The following PTPRG variants were observed in gnomAD, a reference collection of about 807,000 sequenced individuals.
PTPRG encodes the protein receptor-type tyrosine-protein phosphatase gamma.
PTPRG carries 102 observed loss-of-function variants against 165.3 expected under a neutral mutation model. The ratio of observed to expected loss-of-function variants is 0.62; its 90% CI spans 0.53 to 0.73. The LOEUF (loss-of-function observed/expected upper bound fraction) is 0.73, where lower values mean the gene tolerates loss of function less well. Ranked by LOEUF, PTPRG falls within the 30% of genes least tolerant of loss-of-function variation. The pLI is 0.00. For synonymous variants in PTPRG, 675 were observed against 669.5 expected, an observed-to-expected ratio of 1.01 and a Z score of -0.13; for missense variants, 1,866 against 1,861.4, an observed-to-expected ratio of 1.00 and a Z score of -0.05.
intron 2 of PTPRG, among the ~76,000 whole-genome samples, chr3:61,970,548 A>G (rs926862410): frequency 5.9e-5 from 9 of 152,246 alleles, no homozygotes; most frequent in African/African-American, 1.9e-4. Context: ...TTAATATGCA[A>G]CACATTACCT....
intron 4 of PTPRG, among the ~76,000 whole-genome samples, chr3:62,028,963 C>G (rs1244578616): frequency 6.6e-6 from 1 of 152,146 alleles, no homozygotes; most frequent in African/African-American, 2.4e-5. Flanking sequence ...GAACGACAAC[C>G]TCATTGGTCC....
intron 4 of PTPRG, among the ~76,000 whole-genome samples, chr3:62,067,037 TCA>T (rs1491539232): frequency 1.0e-3 from 48 of 48,184 alleles, no homozygotes; most frequent in African/African-American, 3.5e-3. Flanking sequence ...AGATTCTGAC[TCA>T]AAAAAAAAAA....
intron 1 of PTPRG, among the ~76,000 whole-genome samples, chr3:61,622,060 A>C (rs1480849305): frequency 6.6e-6 from 1 of 152,230 alleles, no homozygotes; most frequent in African/African-American, 2.4e-5. Flanking sequence ...CAGATGGTAC[A>C]GTATTTGCGG....
chr3:61,870,317 CTT>C (rs10642619), intron 2 of PTPRG, among the ~76,000 whole-genome samples: 49 of 136,266 alleles, frequency 3.6e-4, no homozygotes, highest in Non-Finnish European at 3.3e-4. Flanking sequence ...AAAAATTATT[CTT>C]TTTTTTTTTT....
chr3:61,970,398 G>A (rs1017435543), intron 2 of PTPRG, among the ~76,000 whole-genome samples: 2 of 152,202 alleles, frequency 1.3e-5, no homozygotes, highest in African/African-American at 4.8e-5. Flanking sequence ...AAGGAGGGCT[G>A]AAGAAAACAC....
Position 62,132,640 on chromosome 3 carries a change from C to T in PTPRG, c.654C>T (p.Ile218=), listed in dbSNP as rs145318908. 1,697 of 1,612,298 alleles carry T rather than the reference C, an allele frequency of 1.1e-3. 2 individuals carry two copies. Among genetic ancestry groups the T allele is most frequent in the Non-Finnish European group, 1.3e-3 (1,574 of 1,178,386 alleles). ...PRDNSALDPI[I]HGLKGVVHHE... is the part of the protein sequence containing the mutation. Reference sequence around the variant, plus strand: ...ACAATTCTGCACTGGATCCTATTATCCACGGGTTGAAGGGTGTCGTACATC... The same window carrying T: ...ACAATTCTGCACTGGATCCTATTATTCACGGGTTGAAGGGTGTCGTACATC... Residue 218 remains isoleucine (I), a synonymous_variant, in exon 6 of 30, where the codon ATC becomes ATT. Transcript: ENST00000474889.
chr3:62,166,197 CTTTTTTTTTTTTTTTTTTTT>C (rs564761041), intron 7 of PTPRG, among the ~76,000 whole-genome samples: 19 of 53,936 alleles, frequency 3.5e-4, no homozygotes, highest in Admixed American at 9.2e-4. Context: ...AATTACAGTT[CTTTTTTTTTTTTTTTTTTTT>C]TTTTTTTTTT....
At chr3:62,291,132 C>A (rs574854381) in intron 28 of PTPRG, among the ~76,000 whole-genome samples, 1 of 152,124 alleles carries the variant, frequency 6.6e-6, no homozygotes, top group African/African-American at 2.4e-5. Context: ...GACATTCAGC[C>A]TCCCTGGTAA....
At chr3:62,012,375 G>T (rs1225480721) in intron 4 of PTPRG, among the ~76,000 whole-genome samples, 1 of 152,174 alleles carries the variant, frequency 6.6e-6, no homozygotes, top group African/African-American at 2.4e-5. Context: ...GATGCAGTAG[G>T]TAGAAGTCAT....
chr3:62,037,210 C>G (rs11708106), intron 4 of PTPRG, among the ~76,000 whole-genome samples: 12,375 of 152,196 alleles, frequency 0.081, 539 homozygotes, highest in African/African-American at 0.1. Flanking sequence ...GTTAGGGTGG[C>G]TGGCCCCATA....
chr3:61,887,863 G>A (rs951407852), intron 2 of PTPRG, among the ~76,000 whole-genome samples: 2 of 152,070 alleles, frequency 1.3e-5, no homozygotes, highest in African/African-American at 4.8e-5. Flanking sequence ...CACATTCCTG[G>A]AAATGCAAAG....
intron 2 of PTPRG, among the ~76,000 whole-genome samples, chr3:61,762,472 G>A (rs1013282597): frequency 1.3e-5 from 2 of 152,074 alleles, no homozygotes; most frequent in African/African-American, 2.4e-5. Flanking sequence ...GTAGCCGGGT[G>A]TAGTGGTGGG....
intron 2 of PTPRG, among the ~76,000 whole-genome samples, chr3:61,933,733 T>A (rs1329751103): frequency 6.6e-6 from 1 of 152,078 alleles, no homozygotes; most frequent in Non-Finnish European, 1.5e-5. Flanking sequence ...TTTTCTAGAG[T>A]GTTTTTTAGA....
intron 2 of PTPRG, among the ~76,000 whole-genome samples, chr3:61,871,894 G>A (rs536318362): frequency 1.6e-4 from 24 of 152,234 alleles, no homozygotes; most frequent in South Asian, 8.3e-4. Flanking sequence ...ATTTAAGGCC[G>A]TAGGCATTAA....
intron 1 of PTPRG, among the ~76,000 whole-genome samples, chr3:61,644,752 G>A (rs1702157340): frequency 6.6e-6 from 1 of 152,152 alleles, no homozygotes; most frequent in Non-Finnish European, 1.5e-5. Flanking sequence ...TAGAAGAAGG[G>A]TTTTAATGAG....
chr3:62,049,299 G>C (rs189296764), intron 4 of PTPRG, among the ~76,000 whole-genome samples: 81 of 152,194 alleles, frequency 5.3e-4, no homozygotes, highest in Non-Finnish European at 1.1e-3. Context: ...TGGTAAAACG[G>C]GTTTTAGTTT....
intron 3 of PTPRG, 137 bp downstream of exon 3, chr3:61,989,941 G>T (rs2046029): frequency 3.4e-6 from 3 of 890,072 alleles, no homozygotes; most frequent in Admixed American, 5.7e-5. Context: ...CTTAGTTTCA[G>T]AACAAGTTAT....
At chr3:61,665,469 T>TACAC (rs10662394) in intron 1 of PTPRG, among the ~76,000 whole-genome samples, 50,279 of 143,714 alleles carry the variant, frequency 0.35, 8,931 homozygotes, top group South Asian at 0.45. Flanking sequence ...TGTAAATAAA[T>TACAC]ACACACACAC....
At chr3:61,670,973 T>G (rs994451542) in intron 1 of PTPRG, among the ~76,000 whole-genome samples, 1 of 151,936 alleles carries the variant, frequency 6.6e-6, no homozygotes, top group Non-Finnish European at 1.5e-5. Flanking sequence ...AGGCCATGCT[T>G]AAGTTGGATT....
Sources: allele counts gnomAD v4.1 joint callset (sites outside exome capture counted in the v4.1 genomes callset), GRCh38; gene constraint gnomAD v4.1.1; transcripts MANE v1.5; gene names NCBI Gene and HGNC (gene_info 2026-07-23, HGNC 2026-07-21).